KHDRBS2: variants seen among roughly 807,000 people sequenced by gnomAD.
The protein encoded by KHDRBS2 is KH RNA binding domain containing, signal transduction associated 2.
A neutral mutation model predicts 44.3 loss-of-function variants in KHDRBS2; 26 were observed. That is an observed-to-expected ratio of 0.59 (90% CI 0.43 to 0.81). The LOEUF is 0.81. KHDRBS2 is among the 40% of genes least tolerant of loss of function. The pLI is 0.00. For synonymous variants in KHDRBS2, 194 were observed against 151.1 expected, an observed-to-expected ratio of 1.28 and a Z score of -2.08; for missense variants, 476 against 433.1, an observed-to-expected ratio of 1.10 and a Z score of -0.88.
chr6:61,944,649 G>A (rs1812827717), intron 4 of KHDRBS2, among the ~76,000 whole-genome samples: 1 of 152,090 alleles, frequency 6.6e-6, no homozygotes, highest in Non-Finnish European at 1.5e-5. Context: ...AGCTAGAAGA[G>A]AGGACTTGAA....
chr6:61,844,696 T>C (rs1447371205), intron 6 of KHDRBS2, among the ~76,000 whole-genome samples: 5 of 152,200 alleles, frequency 3.3e-5, no homozygotes, highest in Admixed American at 2.6e-4. Flanking sequence ...TATTAATTTA[T>C]AGTTAAATGA....
chr6:61,791,847 T>C (rs918383367), intron 6 of KHDRBS2, among the ~76,000 whole-genome samples: 1 of 151,444 alleles, frequency 6.6e-6, no homozygotes, highest in Non-Finnish European at 1.5e-5. Flanking sequence ...TTGATATAAA[T>C]ATTTCCTATT....
chr6:62,237,393 A>C (rs1833875302), intron 1 of KHDRBS2, among the ~76,000 whole-genome samples: 1 of 152,144 alleles, frequency 6.6e-6, no homozygotes, highest in Admixed American at 6.5e-5. Flanking sequence ...AAACTCAAAA[A>C]CAATTAATTT....
At chr6:61,741,824 A>G (rs1347802338) in intron 6 of KHDRBS2, among the ~76,000 whole-genome samples, 1 of 152,024 alleles carries the variant, frequency 6.6e-6, no homozygotes, top group African/African-American at 2.4e-5. Flanking sequence ...AATTTAAATG[A>G]TATGAAATGT....
intron 8 of KHDRBS2, among the ~76,000 whole-genome samples, chr6:61,689,596 C>T (rs1767176035): frequency 6.6e-6 from 1 of 151,934 alleles, no homozygotes; most frequent in Non-Finnish European, 1.5e-5. Context: ...CTATCTGTGC[C>T]AGAACTTCTG....
intron 2 of KHDRBS2, among the ~76,000 whole-genome samples, chr6:62,086,473 A>C (rs2070395681): frequency 1.3e-5 from 2 of 152,306 alleles, no homozygotes; most frequent in Admixed American, 6.5e-5. Flanking sequence ...GAAATCTGAG[A>C]ATATTGTGAA....
chr6:62,000,970 A>G (rs1325535943), intron 3 of KHDRBS2, among the ~76,000 whole-genome samples: 1 of 152,218 alleles, frequency 6.6e-6, no homozygotes, highest in Non-Finnish European at 1.5e-5. Flanking sequence ...AGAAAAATTA[A>G]GAACAGGAAG....
intron 6 of KHDRBS2, among the ~76,000 whole-genome samples, chr6:61,785,532 T>G (rs1467706385): frequency 6.6e-6 from 1 of 152,036 alleles, no homozygotes; most frequent in Non-Finnish European, 1.5e-5. Context: ...AAATAAAATG[T>G]GTGTTTGTGT....
chr6:61,921,870 A>C (rs1808130733), intron 4 of KHDRBS2, among the ~76,000 whole-genome samples: 1 of 152,002 alleles, frequency 6.6e-6, no homozygotes, highest in African/African-American at 2.4e-5. Context: ...TACTACTTTT[A>C]AATTTTAATG....
the KHDRBS2 span, among the ~76,000 whole-genome samples, chr6:61,548,504 C>T: frequency 6.6e-6 from 1 of 152,088 alleles, no homozygotes; most frequent in African/African-American, 2.4e-5. Flanking sequence ...CCAAGAACTA[C>T]AATTTAAGCA....
rs10944996 is a variant in KHDRBS2, at chr6:62,073,882, T to C, written c.220-25888A>G. ...TCTCTATTCCAAATAAAGTCTATCC[T>C]CAAAAGAAGAACGGCAGATCACTTT... On this transcript the variant is annotated intron_variant, in intron 2 of 8. Transcript: ENST00000281156. Among the ~76,000 whole-genome samples the C allele has an allele frequency of 4.1e-4, 63 of 151,910 alleles. 1 individual carries two copies. In the East Asian group the frequency reaches 0.011, roughly 27 times the overall value.
intron 1 of KHDRBS2, among the ~76,000 whole-genome samples, chr6:62,209,975 C>A (rs1828742540): frequency 6.6e-6 from 1 of 152,100 alleles, no homozygotes; most frequent in Non-Finnish European, 1.5e-5. Context: ...CCTTGATCCT[C>A]AGCTTGTGGA....
intron 6 of KHDRBS2, among the ~76,000 whole-genome samples, chr6:61,801,525 G>A (rs1370629366): frequency 1.3e-5 from 2 of 152,098 alleles, no homozygotes; most frequent in Non-Finnish European, 2.9e-5. Flanking sequence ...AATTATATTT[G>A]ATAAAGAAAG....
intron 6 of KHDRBS2, among the ~76,000 whole-genome samples, chr6:61,884,771 G>T (rs1800690170): frequency 6.6e-6 from 1 of 151,966 alleles, no homozygotes; most frequent in African/African-American, 2.4e-5. Context: ...GCTAAGCACA[G>T]AACAGACTTT....
the KHDRBS2 span, among the ~76,000 whole-genome samples, chr6:61,657,896 GT>G: frequency 2.0e-5 from 3 of 151,902 alleles, no homozygotes; most frequent in Admixed American, 2.0e-4. Flanking sequence ...CAGAACATTG[GT>G]TCTGGGTCAA....
intron 4 of KHDRBS2, among the ~76,000 whole-genome samples, chr6:61,973,343 T>C (rs1258184783): frequency 3.3e-5 from 5 of 152,208 alleles, no homozygotes; most frequent in African/African-American, 4.8e-5. Context: ...GTATGATTGC[T>C]GTTAGTAATC....
chr6:61,609,400 A>G, the KHDRBS2 span, among the ~76,000 whole-genome samples: 1 of 152,200 alleles, frequency 6.6e-6, no homozygotes, highest in Non-Finnish European at 1.5e-5. Flanking sequence ...AAGTTATTTC[A>G]AAAAGAGTAA....
chr6:62,038,773 A>G (rs1157033571), intron 3 of KHDRBS2, among the ~76,000 whole-genome samples: 2 of 152,050 alleles, frequency 1.3e-5, no homozygotes, highest in Non-Finnish European at 2.9e-5. Context: ...CATTTCAACT[A>G]TTAAAATAAA....
At chr6:61,666,990 G>GT in the KHDRBS2 span, among the ~76,000 whole-genome samples, 11 of 74,302 alleles carry the variant, frequency 1.5e-4, no homozygotes, top group African/African-American at 3.7e-4. Flanking sequence ...AAACCTTCTG[G>GT]GTTTTTTTTT....
Sources: allele counts gnomAD v4.1 joint callset (sites outside exome capture counted in the v4.1 genomes callset), GRCh38; gene constraint gnomAD v4.1.1; transcripts MANE v1.5; gene names NCBI Gene and HGNC (gene_info 2026-07-23, HGNC 2026-07-21).